MTHFD1L: variants seen among roughly 807,000 people sequenced by gnomAD.
MTHFD1L encodes the protein methylenetetrahydrofolate dehydrogenase (NADP+ dependent) 1 like, also known as monofunctional C1-tetrahydrofolate synthase, mitochondrial.
Under a neutral mutation model 119.5 loss-of-function variants are expected in MTHFD1L, and 81 were observed. The ratio of observed to expected loss-of-function variants is 0.68; its 90% CI spans 0.57 to 0.82. MTHFD1L has a LOEUF of 0.82. Ranked by LOEUF, MTHFD1L falls within the 40% of genes least tolerant of loss-of-function variation. The pLI is 0.00. For synonymous variants in MTHFD1L, 430 were observed against 475.2 expected (o/e 0.90, Z 1.24); for missense variants, 1,125 against 1,253.4 (o/e 0.90, Z 1.55).
chr6:151,029,478 C>A lies in MTHFD1L; in HGVS notation c.2587-5015C>A, dbSNP rs1158266072. Among the ~76,000 whole-genome samples the A allele has an allele frequency of 3.3e-5, 5 of 150,568 alleles. No homozygotes were observed. The East Asian group carries it at 9.8e-4, about 30-fold the overall frequency. On this transcript the variant is annotated intron_variant, in intron 24 of 27. Transcript: ENST00000367321. ...ATTATATAGATAGATAGATAGATTT[C>A]TTACAAAACATTTTCGTGTTTAAAA...
At chr6:150,894,355 G>T (rs1311652276) in intron 7 of MTHFD1L, among the ~76,000 whole-genome samples, 1 of 152,292 alleles carries the variant, frequency 6.6e-6, no homozygotes, top group East Asian at 1.9e-4. Context: ...GGTGGGGGAA[G>T]GAGAGAGTGT....
At chr6:151,028,795 G>A (rs1329115658) in intron 24 of MTHFD1L, among the ~76,000 whole-genome samples, 1 of 152,186 alleles carries the variant, frequency 6.6e-6, no homozygotes, top group Non-Finnish European at 1.5e-5. Flanking sequence ...GGTAAATTAG[G>A]CCAGGCATGG....
rs184645946 is a variant in MTHFD1L, at chr6:150,916,878, C to T, written c.893-1699C>T. ...CCCGGTTCAAGCGATTCTCCTGCCT[C>T]AGCCTCCTGAGTAGCTGGGATTACA... On this transcript the variant is annotated intron_variant, in intron 8 of 27. Transcript: ENST00000367321. 4.3e-3 allele frequency among the ~76,000 whole-genome samples: 638 copies of T among 149,602 alleles called. 1 individual carries two copies. The highest frequency in any genetic ancestry group is 0.014 in the African/African-American group (589 of 40,904).
chr6:151,049,372 G>C (rs1270045078), intron 26 of MTHFD1L, among the ~76,000 whole-genome samples: 1 of 151,982 alleles, frequency 6.6e-6, no homozygotes, highest in Non-Finnish European at 1.5e-5. Context: ...GACGCCTGTA[G>C]TCCCAGCTAC....
rs568458865 is a variant in MTHFD1L at position 150,947,929 on chromosome 6, A to G, written c.1624-1102A>G. 1.2e-4 allele frequency among the ~76,000 whole-genome samples: 18 copies of G among 152,288 alleles called. No homozygotes were observed. The East Asian group carries it at 3.1e-3, about 26-fold the overall frequency. ...TCTTACTCGTAGAAGAAATCTGGCC[A>G]TAGGTATTTGTCTGACTTGGCCTAA... On this transcript the variant is annotated intron_variant, in intron 15 of 27. Transcript: ENST00000367321.
intron 7 of MTHFD1L, among the ~76,000 whole-genome samples, chr6:150,903,723 A>G (rs991127580): frequency 6.6e-6 from 1 of 152,160 alleles, no homozygotes; most frequent in African/African-American, 2.4e-5. Context: ...ATGAGCCAAC[A>G]GGTCTGGCCT....
intron 20 of MTHFD1L, among the ~76,000 whole-genome samples, chr6:150,991,346 C>A (rs1779034393): frequency 6.6e-6 from 1 of 151,754 alleles, no homozygotes; most frequent in East Asian, 1.9e-4. Context: ...GGAAAACATT[C>A]ACAAAATATA....
At chr6:150,871,611 C>T (rs1779529515) in intron 1 of MTHFD1L, among the ~76,000 whole-genome samples, 1 of 148,234 alleles carries the variant, frequency 6.7e-6, no homozygotes, top group Admixed American at 6.9e-5. Context: ...AAGTGATTCT[C>T]CTGCCTCAGC....
chr6:151,041,497 G>C (rs73620676), intron 26 of MTHFD1L, among the ~76,000 whole-genome samples: 4,440 of 152,272 alleles, frequency 0.029, 242 homozygotes, highest in African/African-American at 0.1. Context: ...TTATTAGGGT[G>C]CTGCTGAAAT....
At chr6:151,060,532 A>G (rs1790488531) in intron 26 of MTHFD1L, among the ~76,000 whole-genome samples, 1 of 152,162 alleles carries the variant, frequency 6.6e-6, no homozygotes, top group Non-Finnish European at 1.5e-5. Flanking sequence ...GGAGCCAGGG[A>G]GCAGATGCCA....
At chr6:150,874,333 G>C (rs575926811) in intron 1 of MTHFD1L, among the ~76,000 whole-genome samples, 1 of 152,128 alleles carries the variant, frequency 6.6e-6, no homozygotes, top group Non-Finnish European at 1.5e-5. Context: ...CATCTGTTCC[G>C]GCCCAGCTGG....
chr6:151,089,551 C>T (rs914444093), intron 26 of MTHFD1L, among the ~76,000 whole-genome samples: 1 of 152,156 alleles, frequency 6.6e-6, no homozygotes, highest in African/African-American at 2.4e-5. Flanking sequence ...TGCAGTGAGC[C>T]GAGATCGTGC....
In MTHFD1L at chr6:150,887,876, A is replaced by G; in HGVS notation, c.675A>G (p.Val225=). The stretch of plus-strand genomic sequence containing the variant: ...ACCTAGATGGAAAGAAGATTTTGGT[A>G]GTGGGGGCCCATGGGTCTTTGGAAG... The part of the protein sequence containing the change: ...GVNLDGKKIL[V]VGAHGSLEAA... The change falls in exon 7 of 28, where the codon GTA becomes GTG. Residue 225 remains valine, a synonymous_variant. Coordinates refer to ENST00000367321, the MANE Select transcript of MTHFD1L (RefSeq NM_015440.5). The G allele has an allele frequency of 6.2e-7, 1 of 1,606,058 alleles. No homozygotes were observed.
At chr6:150,871,701 A>G (rs1218430516) in intron 1 of MTHFD1L, among the ~76,000 whole-genome samples, 2 of 151,114 alleles carry the variant, frequency 1.3e-5, no homozygotes, top group East Asian at 1.9e-4. Context: ...ACGGGGTTTC[A>G]CCATATTGGC....
chr6:151,076,641 A>G (rs1463436556), intron 26 of MTHFD1L, among the ~76,000 whole-genome samples: 2 of 142,910 alleles, frequency 1.4e-5, no homozygotes, highest in African/African-American at 5.2e-5. Context: ...ACAGAGTGAT[A>G]CTCTGTCTAA....
At chr6:151,011,869 C>T (rs1440506147) in intron 21 of MTHFD1L, among the ~76,000 whole-genome samples, 3 of 151,476 alleles carry the variant, frequency 2.0e-5, no homozygotes, top group East Asian at 1.9e-4. Context: ...CCAGTGGTGG[C>T]GGGCGCCTGT....
chr6:150,954,109 C>G (rs1795257425), intron 16 of MTHFD1L, among the ~76,000 whole-genome samples: 1 of 152,216 alleles, frequency 6.6e-6, no homozygotes, highest in Admixed American at 6.5e-5. Context: ...AGAGGGCAAG[C>G]TGGCCTGCTG....
intron 15 of MTHFD1L, among the ~76,000 whole-genome samples, chr6:150,946,787 A>G (rs1006456221): frequency 2.6e-5 from 4 of 152,016 alleles, no homozygotes; most frequent in Admixed American, 1.3e-4. Context: ...ATTAAAAATC[A>G]CTATTTTGCC....
At chr6:150,980,087 C>T (rs1450505163) in intron 20 of MTHFD1L, among the ~76,000 whole-genome samples, 2 of 152,140 alleles carry the variant, frequency 1.3e-5, no homozygotes, top group Admixed American at 1.3e-4. Context: ...GCCTGGGCTC[C>T]ACTTTTGTTA....
Sources: gnomAD v4.1 joint callset for allele counts (sites outside exome capture counted in the v4.1 genomes callset) on GRCh38, gnomAD v4.1.1 for gene constraint, MANE v1.5 for transcripts, NCBI Gene and HGNC (gene_info 2026-07-23, HGNC 2026-07-21) for gene names.